CFAP20DC: variants seen among roughly 807,000 people sequenced by gnomAD.
CFAP20DC encodes protein CFAP20DC.
In CFAP20DC, 84 loss-of-function variants were observed where a neutral mutation model predicts 101.7. That is an observed-to-expected ratio of 0.83 (90% CI 0.69 to 0.99). The LOEUF (loss-of-function observed/expected upper bound fraction) is 0.99. Ranked by LOEUF, CFAP20DC falls within the 50% of genes least tolerant of loss-of-function variation. The probability of loss-of-function intolerance (pLI) is 0.00; values close to 1 mark genes in which losing one functional copy is unlikely to be tolerated. For synonymous variants in CFAP20DC, 359 were observed against 351.2 expected (o/e 1.02, Z -0.25); for missense variants, 1,007 against 970.3 (o/e 1.04, Z -0.50).
chr3:58,854,225 C>G (rs1263907410), intron 12 of CFAP20DC, among the ~76,000 whole-genome samples: 1 of 151,754 alleles, frequency 6.6e-6, no homozygotes, highest in Non-Finnish European at 1.5e-5. Context: ...TGAGTGAACT[C>G]CCATTCACAA....
intron 14 of CFAP20DC, among the ~76,000 whole-genome samples, chr3:58,819,046 G>A (rs2075413064): frequency 6.6e-6 from 1 of 150,480 alleles, no homozygotes; most frequent in African/African-American, 2.5e-5. Flanking sequence ...TGACTACTGG[G>A]TACATAACGA....
intron 13 of CFAP20DC, among the ~76,000 whole-genome samples, chr3:58,848,241 G>C (rs2077895924): frequency 6.6e-6 from 1 of 151,364 alleles, no homozygotes; most frequent in African/African-American, 2.4e-5. Flanking sequence ...CTTCTATTTT[G>C]CTGATGATAA....
intron 6 of CFAP20DC, among the ~76,000 whole-genome samples, chr3:58,888,857 T>C (rs2081898976): frequency 6.6e-6 from 1 of 152,190 alleles, no homozygotes; most frequent in South Asian, 2.1e-4. Flanking sequence ...GGTCAAATGA[T>C]ATTTCTGCCT....
At chr3:58,924,703 A>T (rs2085754603) in intron 5 of CFAP20DC, among the ~76,000 whole-genome samples, 1 of 152,156 alleles carries the variant, frequency 6.6e-6, no homozygotes, top group African/African-American at 2.4e-5. Flanking sequence ...ACAGTGTATA[A>T]CCATTCTCAT....
At position 58,728,290 on chromosome 3, in the gene CFAP20DC, T is replaced by C. The variant is rs2067584249; in HGVS notation, c.198-10662A>G. ...GAAAGTTTTGCATAGGAAAATACCT[T>C]TGGCTGTCCCATTGGGGAGGAAATT... On this transcript the variant is annotated intron_variant, in intron 3 of 3. Coordinates refer to the CFAP20DC transcript ENST00000486145. The surrounding 1 kb of genome is among the most constrained non-coding windows in gnomAD (Gnocchi z 4.7). 6.6e-6 allele frequency among the ~76,000 whole-genome samples: 1 copy of C among 152,232 alleles called. No homozygotes were observed. The highest frequency in any genetic ancestry group is 6.5e-5 in the Admixed American group (1 of 15,286).
At chr3:58,807,154 A>G (rs1413173466) in intron 14 of CFAP20DC, among the ~76,000 whole-genome samples, 1 of 152,262 alleles carries the variant, frequency 6.6e-6, no homozygotes, top group Non-Finnish European at 1.5e-5. Context: ...ACAGACAAAA[A>G]GACAGCAGTA....
At position 59,015,170 on chromosome 3, in the gene CFAP20DC, G is replaced by A. The variant is rs2093663253; in HGVS notation, c.278+24387C>T. Among the ~76,000 whole-genome samples the A allele has an allele frequency of 1.3e-5, 2 of 152,040 alleles. No homozygotes were observed. Among genetic ancestry groups the A allele is most frequent in the African/African-American group, 4.8e-5 (2 of 41,404 alleles). Reference sequence around the variant, plus strand: ...GCTTGGACCCTGAATAATCCTGCAGGTGCCTTGGGTGTCTAAAGATGTCTG... The same window carrying A: ...GCTTGGACCCTGAATAATCCTGCAGATGCCTTGGGTGTCTAAAGATGTCTG... On this transcript the variant is annotated intron_variant, in intron 4 of 16. Coordinates refer to ENST00000482387, the MANE Select transcript of CFAP20DC (RefSeq NM_001394063.1). The surrounding 1 kb of genome is among the most constrained non-coding windows in gnomAD (Gnocchi z 5.4).
At chr3:58,835,130 G>A (rs1237321208) in intron 13 of CFAP20DC, among the ~76,000 whole-genome samples, 1 of 152,030 alleles carries the variant, frequency 6.6e-6, no homozygotes, top group African/African-American at 2.4e-5. Flanking sequence ...TTCTGTAAAT[G>A]CTAGGAACTG....
intron 3 of CFAP20DC, among the ~76,000 whole-genome samples, chr3:59,040,412 G>C (rs1699257940): frequency 6.6e-6 from 1 of 151,912 alleles, no homozygotes; most frequent in East Asian, 1.9e-4. Context: ...TTGAACTTTT[G>C]CTTGATCTCT....
chr3:58,801,055 G>C (rs1254076789), intron 15 of CFAP20DC, among the ~76,000 whole-genome samples: 1 of 151,598 alleles, frequency 6.6e-6, no homozygotes, highest in Non-Finnish European at 1.5e-5. Context: ...GTAAGTGAGA[G>C]AGAGAGAGAG....
At chr3:58,753,082 C>T (rs2068688960) in intron 16 of CFAP20DC, among the ~76,000 whole-genome samples, 1 of 152,164 alleles carries the variant, frequency 6.6e-6, no homozygotes. Flanking sequence ...CCACGCACAC[C>T]TGACAGTCAA....
chr3:58,857,821 T>C (rs1415410258), intron 12 of CFAP20DC, among the ~76,000 whole-genome samples: 1 of 152,206 alleles, frequency 6.6e-6, no homozygotes, highest in Non-Finnish European at 1.5e-5. Flanking sequence ...GTGGGTGCAC[T>C]GGCATAACCC....
chr3:58,995,267 C>T lies in CFAP20DC; in HGVS notation c.278+44290G>A, dbSNP rs550532941. On this transcript the variant is annotated intron_variant, in intron 4 of 16. Coordinates refer to ENST00000482387, the MANE Select transcript of CFAP20DC (RefSeq NM_001394063.1). ...TAATTTATCAAATCTATTTTTTAGC[C>T]CAAAAAGAGGACTCTCCTGCAACTG... 2.6e-5 allele frequency among the ~76,000 whole-genome samples: 4 copies of T among 151,670 alleles called. No homozygotes were observed. In the East Asian group the frequency reaches 7.7e-4, roughly 29 times the overall value.
intron 2 of CFAP20DC, 103 bp downstream of exon 2, chr3:59,047,062 A>C (rs1423568359): frequency 1.1e-5 from 8 of 740,286 alleles, no homozygotes; most frequent in Non-Finnish European, 1.8e-5. Flanking sequence ...TTGGAGTGAA[A>C]GAACAGGAAA....
At chr3:58,987,638 C>T (rs1427043747) in intron 4 of CFAP20DC, among the ~76,000 whole-genome samples, 1 of 151,864 alleles carries the variant, frequency 6.6e-6, no homozygotes, top group Non-Finnish European at 1.5e-5. Context: ...TGTACAGATA[C>T]AGCAGAGAAC....
intron 15 of CFAP20DC, among the ~76,000 whole-genome samples, chr3:58,757,325 G>T (rs1396764064): frequency 6.6e-6 from 1 of 151,924 alleles, no homozygotes; most frequent in East Asian, 1.9e-4. Flanking sequence ...GGAGTTGACT[G>T]TATTTTCATA....
At chr3:58,866,803 T>G in intron 10 of CFAP20DC, 115 bp from the exon 11 acceptor site, 1 of 631,780 alleles carries the variant, frequency 1.6e-6, no homozygotes, top group Non-Finnish European at 2.6e-6. Flanking sequence ...AAAAGCAAAT[T>G]AGAGGTAACA....
chr3:58,960,787 C>A (rs746128688), intron 4 of CFAP20DC, among the ~76,000 whole-genome samples: 2 of 152,048 alleles, frequency 1.3e-5, no homozygotes, highest in East Asian at 3.8e-4. Flanking sequence ...TGTCTTATTT[C>A]ATTATACTAG....
chr3:58,968,533 T>C (rs1321780734), intron 4 of CFAP20DC, among the ~76,000 whole-genome samples: 1 of 152,242 alleles, frequency 6.6e-6, no homozygotes, highest in Non-Finnish European at 1.5e-5. Flanking sequence ...TCTCTTCATG[T>C]CCTTTGCCCA....
Sources: allele counts gnomAD v4.1 joint callset (sites outside exome capture counted in the v4.1 genomes callset), GRCh38; gene constraint gnomAD v4.1.1; non-coding constraint Gnocchi (gnomAD v3.1); transcripts MANE v1.5; gene names NCBI Gene and HGNC (gene_info 2026-07-23, HGNC 2026-07-21).